Variants in AKAP6 observed in about 807,000 individuals in gnomAD.
AKAP6 encodes A-kinase anchoring protein 6.
In AKAP6, 58 loss-of-function variants were observed where a neutral mutation model predicts 188.5. That is an observed-to-expected ratio of 0.31 (90% CI 0.25 to 0.38). The LOEUF (loss-of-function observed/expected upper bound fraction) is 0.38. Among genes scored for constraint, AKAP6 ranks in the 10% least tolerant of loss-of-function variants. The pLI, the probability that AKAP6 is intolerant of heterozygous loss-of-function variation, is 1.00. For missense variants in AKAP6, 2,710 were observed against 2,740.0 expected (o/e 0.99, Z 0.24); for synonymous variants, 989 against 998.6 (o/e 0.99, Z 0.18).
intron 7 of AKAP6, among the ~76,000 whole-genome samples, chr14:32,608,926 G>C (rs947413362): frequency 1.4e-5 from 2 of 148,000 alleles, no homozygotes; most frequent in East Asian, 4.2e-4. Flanking sequence ...AAAAAAGAAG[G>C]CAAAATACAG....
intron 13 of AKAP6, among the ~76,000 whole-genome samples, chr14:32,829,250 T>G (rs1332809438): frequency 7.4e-6 from 1 of 134,504 alleles, no homozygotes; most frequent in African/African-American, 2.6e-5. Context: ...TGTATGTACC[T>G]TAAATGAAAT....
intron 7 of AKAP6, among the ~76,000 whole-genome samples, chr14:32,652,499 C>T (rs1170818415): frequency 2.0e-5 from 3 of 152,174 alleles, no homozygotes; most frequent in Non-Finnish European, 4.4e-5. Flanking sequence ...CATTCTTTTG[C>T]CTTCTGATCT....
intron 1 of AKAP6, among the ~76,000 whole-genome samples, chr14:32,334,888 C>A (rs1451953495): frequency 6.6e-6 from 1 of 152,198 alleles, no homozygotes; most frequent in Non-Finnish European, 1.5e-5. Context: ...TTCCAGCCAT[C>A]TTGCAGTGGT....
At chr14:32,498,789 T>C (rs565339587) in intron 2 of AKAP6, among the ~76,000 whole-genome samples, 48 of 152,234 alleles carry the variant, frequency 3.2e-4, no homozygotes, top group South Asian at 6.2e-4. Context: ...GGACATCCCT[T>C]GGCCTCACAA....
At chr14:32,664,138 A>T (rs934458576) in intron 7 of AKAP6, among the ~76,000 whole-genome samples, 5 of 151,920 alleles carry the variant, frequency 3.3e-5, no homozygotes, top group Non-Finnish European at 7.4e-5. Context: ...GTGGATAGGA[A>T]CCATGACATT....
intron 5 of AKAP6, among the ~76,000 whole-genome samples, chr14:32,583,736 G>A (rs1885093436): frequency 6.6e-6 from 1 of 152,176 alleles, no homozygotes; most frequent in Admixed American, 6.5e-5. Context: ...AGACTGCTGT[G>A]CTAGAAATCA....
At chr14:32,346,015 A>G (rs1268539293) in intron 1 of AKAP6, among the ~76,000 whole-genome samples, 1 of 152,222 alleles carries the variant, frequency 6.6e-6, no homozygotes, top group Non-Finnish European at 1.5e-5. Flanking sequence ...AAAAATCTGA[A>G]AGGTTAAAAT....
chr14:32,759,923 G>A (rs1249407149), intron 11 of AKAP6, among the ~76,000 whole-genome samples: 2 of 152,290 alleles, frequency 1.3e-5, no homozygotes, highest in East Asian at 3.9e-4. Flanking sequence ...TCCAAACTAT[G>A]TCACATGCCA....
At position 32,834,661 on chromosome 14, in the gene AKAP6, T is replaced by G. The variant is rs2140179672; in HGVS notation, c.*4856T>G. The G allele has an allele frequency of 6.6e-6, 1 of 151,928 alleles. No homozygotes were observed. Among genetic ancestry groups the G allele is most frequent in the African/African-American group, 2.4e-5 (1 of 41,474 alleles). 9.4% of individuals were successfully genotyped at this position (151,928 alleles called of 1,614,324 possible). On this transcript the variant is annotated 3_prime_UTR_variant, in exon 14 of 14. Transcript: ENST00000280979. ...CAGTTTTGCAGAATGATCCACAATC[T>G]TGATGGGTCTAGTTGTTTTCTCATT...
At chr14:32,519,338 A>G (rs561241251) in intron 2 of AKAP6, among the ~76,000 whole-genome samples, 1 of 152,230 alleles carries the variant, frequency 6.6e-6, no homozygotes, top group Admixed American at 6.5e-5. Context: ...AAATTCACAC[A>G]TAACAATATT....
At chr14:32,603,790 TA>T (rs1886025833) in intron 7 of AKAP6, among the ~76,000 whole-genome samples, 2 of 152,196 alleles carry the variant, frequency 1.3e-5, no homozygotes. Context: ...TATGGTTACA[TA>T]ACCATAAAAA....
At chr14:32,621,511 T>A (rs540878707) in intron 7 of AKAP6, among the ~76,000 whole-genome samples, 11 of 152,130 alleles carry the variant, frequency 7.2e-5, no homozygotes, top group Non-Finnish European at 1.5e-4. Context: ...TGATTTCTAG[T>A]TTTTTTCTGC....
intron 1 of AKAP6, among the ~76,000 whole-genome samples, chr14:32,375,506 A>G (rs1387970730): frequency 6.6e-6 from 1 of 151,990 alleles, no homozygotes. Flanking sequence ...TAAGCAAAAA[A>G]AAAAAAAGTG....
intron 11 of AKAP6, among the ~76,000 whole-genome samples, chr14:32,758,897 T>A (rs967997212): frequency 6.6e-6 from 1 of 152,192 alleles, no homozygotes; most frequent in African/African-American, 2.4e-5. Flanking sequence ...AGATTTACCA[T>A]CTCAACTTGC....
intron 9 of AKAP6, among the ~76,000 whole-genome samples, chr14:32,718,982 G>T (rs2030381718): frequency 6.6e-6 from 1 of 152,064 alleles, no homozygotes; most frequent in Non-Finnish European, 1.5e-5. Context: ...ATCTAATTCT[G>T]AAACCATACT....
chr14:32,562,370 C>T (rs1029567158), intron 4 of AKAP6, among the ~76,000 whole-genome samples: 19 of 141,650 alleles, frequency 1.3e-4, no homozygotes, highest in Non-Finnish European at 9.3e-5. Flanking sequence ...CCTACCTGAG[C>T]CCCAAAATAA....
chr14:32,395,264 TA>T (rs1888841786), intron 1 of AKAP6, among the ~76,000 whole-genome samples: 1 of 152,166 alleles, frequency 6.6e-6, no homozygotes, highest in South Asian at 2.1e-4. Context: ...TCTAAGTTAT[TA>T]ATAACTTAGA....
Position 32,600,750 on chromosome 14 carries a change from T to C in AKAP6, c.2688T>C (p.Thr896=). 6.2e-7 allele frequency: 1 copy of C among 1,613,178 alleles called. No individual in the cohort carries two copies. Among genetic ancestry groups the C allele is most frequent in the Non-Finnish European group, 8.5e-7 (1 of 1,179,648 alleles). Residue 896 remains threonine (T), a synonymous_variant, in exon 7 of 14, where the codon ACT becomes ACC. Transcript: ENST00000280979. ...CCATCAAAGCCGAGATACTGGCTAC[T>C]GATGTGTCTGTGGAGGATGAGGAAG... The part of the protein sequence containing the change: ...LDTIKAEILA[T]DVSVEDEEGT...
intron 1 of AKAP6, among the ~76,000 whole-genome samples, chr14:32,383,006 A>C (rs775777723): frequency 5.3e-5 from 8 of 152,118 alleles, no homozygotes; most frequent in Non-Finnish European, 1.0e-4. Flanking sequence ...TGGTTTAAAA[A>C]AATTACTGCT....
Sources: gnomAD v4.1 joint callset for allele counts (sites outside exome capture counted in the v4.1 genomes callset) on GRCh38, gnomAD v4.1.1 for gene constraint, MANE v1.5 for transcripts, NCBI Gene and HGNC (gene_info 2026-07-23, HGNC 2026-07-21) for gene names.